ANKLE2: variants seen among roughly 807,000 people sequenced by gnomAD.
ANKLE2 encodes the protein ankyrin repeat and LEM domain containing 2, also known as ankyrin repeat and LEM domain-containing protein 2.
ANKLE2 carries 55 observed loss-of-function variants against 84.2 expected under a neutral mutation model. That is an observed-to-expected ratio of 0.65 (90% CI 0.53 to 0.82). ANKLE2 has a LOEUF of 0.82. Among genes scored for constraint, ANKLE2 ranks in the 40% least tolerant of loss-of-function variants. The pLI, the probability that ANKLE2 is intolerant of heterozygous loss-of-function variation, is 0.00. For missense variants in ANKLE2, 1,238 were observed against 1,201.9 expected (o/e 1.03, Z -0.44); for synonymous variants, 551 against 486.1 (o/e 1.13, Z -1.76).
chr12:132,736,348 A>C (rs908684862), intron 8 of ANKLE2, among the ~76,000 whole-genome samples: 6 of 152,206 alleles, frequency 3.9e-5, no homozygotes, highest in Non-Finnish European at 8.8e-5. Flanking sequence ...AAGAATTGTC[A>C]ACTGTAAATA....
chr12:132,741,930 TA>T, intron 6 of ANKLE2: 2 of 433,848 alleles, frequency 4.6e-6, no homozygotes, highest in South Asian at 1.6e-5. Flanking sequence ...TTTTTGCCAC[TA>T]AAGAAATCAA....
At chr12:132,740,878 C>T (rs1051817546) in intron 7 of ANKLE2, among the ~76,000 whole-genome samples, 1 of 152,092 alleles carries the variant, frequency 6.6e-6, no homozygotes, top group African/African-American at 2.4e-5. Flanking sequence ...GAGGGAGTGT[C>T]CCGGAGCCAA....
chr12:132,743,775 T>G lies in ANKLE2; in HGVS notation c.1231-499A>C, dbSNP rs75388639. Among the ~76,000 whole-genome samples the G allele has an allele frequency of 6.6e-6, 1 of 152,146 alleles. No homozygotes were observed. The highest frequency in any genetic ancestry group is 2.4e-5 in the African/African-American group (1 of 41,422). ...GTGCCAAGGCTTGAGCTTAGCATACTGACCTGGGTGCCCAGACCCTGGAGG... is the reference window on the plus strand; with the variant it reads ...GTGCCAAGGCTTGAGCTTAGCATACGGACCTGGGTGCCCAGACCCTGGAGG... On this transcript the variant is annotated intron_variant, in intron 5 of 12. Coordinates refer to ENST00000357997, the MANE Select transcript of ANKLE2 (RefSeq NM_015114.3). The surrounding 1 kb of genome is among the most constrained non-coding windows in gnomAD (Gnocchi z 4.1).
chr12:132,742,776 CTCA>C (rs2044155193), intron 6 of ANKLE2, among the ~76,000 whole-genome samples: 3 of 151,428 alleles, frequency 2.0e-5, no homozygotes, highest in African/African-American at 4.9e-5. Flanking sequence ...CACCATCATC[CTCA>C]CTACCACCAT....
intron 10 of ANKLE2, chr12:132,731,495 TACAC>T (rs1156299886): frequency 6.6e-6 from 1 of 151,700 alleles, no homozygotes; most frequent in Non-Finnish European, 1.5e-5. Flanking sequence ...ATTATGACCT[TACAC>T]ACACAAACTC....
At chr12:132,754,560 TGGAG>T in intron 2 of ANKLE2, 111 bp downstream of exon 2, 1 of 985,010 alleles carries the variant, frequency 1.0e-6, no homozygotes, top group Non-Finnish European at 1.5e-6. Context: ...GGTGATGAGA[TGGAG>T]GGGATTGGAT....
chr12:132,759,402 G>A (rs988467535), intron 1 of ANKLE2: 3 of 151,702 alleles, frequency 2.0e-5, no homozygotes, highest in African/African-American at 4.9e-5. Flanking sequence ...AGGAATGCAG[G>A]GCAGGTTTAA....
Position 132,734,481 on chromosome 12 carries a change from G to A in ANKLE2, c.1795C>T (p.Leu599=), listed in dbSNP as rs747806543. ...TCCTGCTGTGTGAGATATTCTTCTA[G>A]TCTTTGCAGGCCTTCCTGGGAAGAC... is the stretch of plus-strand genomic sequence containing the variant. ...DLSSQEGLQR[L]EEYLTQQEIG... The change falls in exon 10 of 13, where the codon CTA becomes TTA. Residue 599 remains leucine, a synonymous_variant. Transcript: ENST00000357997. 47 of 1,613,962 alleles carry A rather than the reference G, an allele frequency of 2.9e-5. No individual in the cohort carries two copies. The South Asian group carries it at 4.7e-4, about 16-fold the overall frequency.
In ANKLE2 at chr12:132,729,767, C is replaced by A; in HGVS notation, c.2395G>T (p.Ala799Ser). 6.2e-7 allele frequency: 1 copy of A among 1,612,106 alleles called. No individual in the cohort carries two copies. Residue 799 changes from alanine (A) to serine (S), a missense_variant, in exon 11 of 13, where the codon GCT becomes TCT. Around this residue, in one of 3 missense-constraint regions of ANKLE2, gnomAD observed 802 missense variants for 774.5 expected, o/e 1.04. Coordinates refer to ENST00000357997, the MANE Select transcript of ANKLE2 (RefSeq NM_015114.3). ...CTGCTGGGACTCAAGGACATTTTAG[C>A]GATCCTGGCTGACATTTCACTTTCT... ...RTESEMSARI[A>S]KMSLSPSSPR...
At chr12:132,735,833 CAT>C (rs2043998385) in intron 8 of ANKLE2, among the ~76,000 whole-genome samples, 1 of 152,254 alleles carries the variant, frequency 6.6e-6, no homozygotes, top group African/African-American at 2.4e-5. Context: ...CCCCGACGCA[CAT>C]GTGACACTGC....
intron 7 of ANKLE2, 58 bp from the exon 8 acceptor site, chr12:132,737,123 G>C: frequency 6.6e-7 from 1 of 1,523,062 alleles, no homozygotes; most frequent in Admixed American, 2.0e-5. Flanking sequence ...GGTCAGGCCT[G>C]GGTGAGCAGG....
At chr12:132,733,995 C>T (rs895860607) in intron 10 of ANKLE2, 7 of 460,222 alleles carry the variant, frequency 1.5e-5, no homozygotes, top group African/African-American at 1.4e-4. Flanking sequence ...TTAACATTAA[C>T]CTTCCCAGCA....
At position 132,748,597 on chromosome 12, in the gene ANKLE2, C is replaced by T. The variant is rs560428015; in HGVS notation, c.848-266G>A. Among the ~76,000 whole-genome samples the T allele has an allele frequency of 7.2e-5, 11 of 151,892 alleles. No individual in the cohort carries two copies. In the South Asian group the frequency reaches 1.9e-3, roughly 26 times the overall value. ...TCTCACTGGGGGCCCCAGCCTACAA[C>T]GGCAGCCAGCGCGCCCCCATGAGCA... On this transcript the variant is annotated intron_variant, in intron 3 of 12. Transcript: ENST00000357997.
Position 132,754,686 on chromosome 12 carries a change from G to T in ANKLE2, c.629C>A (p.Pro210Gln), listed in dbSNP as rs759223634. The T allele has an allele frequency of 6.2e-7, 1 of 1,600,982 alleles. No individual in the cohort carries two copies. Among genetic ancestry groups the T allele is most frequent in the East Asian group, 2.2e-5 (1 of 44,614 alleles). The part of the protein sequence containing the change: ...YGVCPVYEDV[P>Q]ARNERIYVYE... ...CACGGTCCCATTACCATTTCTCGCT[G>T]GGACGTCCTCATACACTGGACACAC... The change falls in exon 2 of 13, where the codon CCA (proline) becomes CAA (glutamine). Residue 210 changes from proline (P) to glutamine (Q), a missense_variant. Transcript: ENST00000357997.
At position 132,741,492 on chromosome 12, in the gene ANKLE2, GA is replaced by G. The variant is rs749179890; in HGVS notation, c.1354-8del. 9.9e-6 allele frequency: 16 copies of G among 1,610,834 alleles called. No homozygotes were observed. The highest frequency in any genetic ancestry group is 2.2e-5 in the East Asian group (1 of 44,862). On this transcript the variant is annotated splice_region_variant and splice_polypyrimidine_tract_variant and intron_variant, in intron 6 of 12. Transcript: ENST00000357997. ...TGCTTCTTTCACAAATTACCTATTGGAAAAAAAAGTGTGTCTAAATCTTATT... is the reference window on the plus strand; with the variant it reads ...TGCTTCTTTCACAAATTACCTATTGGAAAAAAAGTGTGTCTAAATCTTATT...
At chr12:132,730,918 A>AC (rs2043831178) in intron 10 of ANKLE2, 1 of 152,116 alleles carries the variant, frequency 6.6e-6, no homozygotes, top group African/African-American at 2.4e-5. Context: ...ACTGCCCTGC[A>AC]CCCCCAGCCA....
At chr12:132,748,095 G>A (rs371633360) in intron 4 of ANKLE2, 43 bp downstream of exon 4, 15 of 1,607,694 alleles carry the variant, frequency 9.3e-6, no homozygotes, top group East Asian at 2.2e-5. Flanking sequence ...GCGATGGAAC[G>A]GCCGGGACCG....
intron 5 of ANKLE2, among the ~76,000 whole-genome samples, chr12:132,746,990 C>G (rs573722539): frequency 6.6e-6 from 1 of 152,238 alleles, no homozygotes; most frequent in Non-Finnish European, 1.5e-5. Flanking sequence ...GTCTTTAGCA[C>G]CCTTTAGAAG....
In ANKLE2 at chr12:132,754,796, G is replaced by C; in HGVS notation, c.519C>G (p.Ser173=). The C allele has an allele frequency of 6.2e-7, 1 of 1,614,138 alleles. No individual in the cohort carries two copies. The highest frequency in any genetic ancestry group is 1.1e-5 in the South Asian group (1 of 91,086). The change falls in exon 2 of 13, where the codon TCC becomes TCG. Residue 173 remains serine (S), a synonymous_variant. Coordinates refer to ENST00000357997, the MANE Select transcript of ANKLE2 (RefSeq NM_015114.3). ...CACTAGGGGGCACCGAGCAGGTCTTGGATGTCACAGCTTCCTCCTCTGGAG... is the reference window on the plus strand; with the variant it reads ...CACTAGGGGGCACCGAGCAGGTCTTCGATGTCACAGCTTCCTCCTCTGGAG... ...LNPPEEEAVT[S]KTCSVPPSDT... is the part of the protein sequence containing the mutation.
Sources: gnomAD v4.1 joint callset for allele counts (sites outside exome capture counted in the v4.1 genomes callset) on GRCh38, gnomAD v4.1.1 for gene constraint, gnomAD v4.1.1 regional missense constraint, Gnocchi (gnomAD v3.1) non-coding constraint, MANE v1.5 for transcripts, NCBI Gene and HGNC (gene_info 2026-07-23, HGNC 2026-07-21) for gene names.